Variants in RAB11FIP4 observed in about 807,000 individuals in gnomAD.
The protein encoded by RAB11FIP4 is RAB11 family interacting protein 4, also known as rab11 family-interacting protein 4.
Under a neutral mutation model 74.3 loss-of-function variants are expected in RAB11FIP4, and 23 were observed. The observed-to-expected ratio is 0.31, with a 90% confidence interval of 0.22 to 0.44. RAB11FIP4 has a LOEUF of 0.44. RAB11FIP4 is among the 20% of genes least tolerant of loss of function. The pLI is 1.00. For missense variants in RAB11FIP4, 630 were observed against 863.9 expected (o/e 0.73, Z 3.39); for synonymous variants, 360 against 359.9 (o/e 1.00, Z 0.00).
At chr17:31,523,435 C>T (rs1478978049) in intron 7 of RAB11FIP4, 77 bp from the exon 8 acceptor site, 81 of 1,176,526 alleles carry the variant, frequency 6.9e-5, no homozygotes, top group Admixed American at 5.1e-5. Flanking sequence ...ACTGGATGCT[C>T]GCCTAGCCAG....
intron 3 of RAB11FIP4, among the ~76,000 whole-genome samples, chr17:31,497,862 C>G (rs1020058447): frequency 6.6e-6 from 1 of 152,154 alleles, no homozygotes; most frequent in African/African-American, 2.4e-5. Context: ...CCCCCTCCCT[C>G]TTGAGATTCC....
Position 31,521,291 on chromosome 17 carries a change from G to T in RAB11FIP4, c.689G>T (p.Ser230Ile). 1 of 1,614,050 alleles carries T rather than the reference G, an allele frequency of 6.2e-7. No homozygotes were observed. The highest frequency in any genetic ancestry group is 8.5e-7 in the Non-Finnish European group (1 of 1,179,944). Residue 230 changes from serine (S) to isoleucine (I), a missense_variant, in exon 5 of 15, where the codon AGC becomes ATC. Transcript: ENST00000621161. ...GGTGACGATGTGGACTGTGCCCCCA[G>T]CAGCCCTTGCCCCGATGATGAGACC... ...GEGDDVDCAP[S>I]SPCPDDETRT...
rs1290204670 is a variant in RAB11FIP4 at position 31,391,959 on chromosome 17, T to C, written c.107T>C (p.Leu36Pro). 7.2e-7 allele frequency: 1 copy of C among 1,383,848 alleles called. No homozygotes were observed. Among genetic ancestry groups the C allele is most frequent in the Non-Finnish European group, 9.4e-7 (1 of 1,065,388 alleles). 85.7% of individuals were successfully genotyped at this position (1,383,848 alleles called of 1,614,324 possible). ...TGCGGCCGCGACCCCGACGGCTTCC[T>C]GCGCGTGGAGCGCGTCGCGGCGCTC... The part of the protein sequence containing the change: ...EVCGRDPDGF[L>P]RVERVAALGL... The change falls in exon 1 of 15, where the codon CTG becomes CCG. Residue 36 changes from leucine to proline, a missense_variant. Coordinates refer to ENST00000621161, the MANE Select transcript of RAB11FIP4 (RefSeq NM_032932.6).
chr17:31,413,437 C>T lies in RAB11FIP4; in HGVS notation c.160-18376C>T, dbSNP rs959452381. ...GGGAGCTGTCCTTCCATAGGCCCCC[C>T]GAGAAGAGAGTGTCTTCCCTCTTCC... is the stretch of plus-strand genomic sequence containing the variant. On this transcript the variant is annotated intron_variant, in intron 1 of 14. Transcript: ENST00000621161. Among the ~76,000 whole-genome samples the T allele has an allele frequency of 6.9e-4, 105 of 151,998 alleles. 1 individual carries two copies. The highest frequency in any genetic ancestry group is 2.0e-3 in the Admixed American group (30 of 15,280).
rs139687305 is a variant in RAB11FIP4, at chr17:31,428,291, C to T, written c.160-3522C>T. 4.0e-3 allele frequency among the ~76,000 whole-genome samples: 615 copies of T among 152,352 alleles called. 2 individuals are homozygous for T. Among genetic ancestry groups the T allele is most frequent in the African/African-American group, 0.014 (565 of 41,584 alleles). On this transcript the variant is annotated intron_variant, in intron 1 of 14. Coordinates refer to ENST00000621161, the MANE Select transcript of RAB11FIP4 (RefSeq NM_032932.6). ...CCACGCTGTGGGCATGCAAGAAAAA[C>T]GTGGTCCCTATAAATAGATGAATCC... is the stretch of plus-strand genomic sequence containing the variant.
intron 3 of RAB11FIP4, among the ~76,000 whole-genome samples, chr17:31,505,016 A>G (rs1227188450): frequency 6.6e-6 from 1 of 152,178 alleles, no homozygotes; most frequent in Non-Finnish European, 1.5e-5. Context: ...GTTAGATCCT[A>G]AGGCTTGATT....
intron 3 of RAB11FIP4, among the ~76,000 whole-genome samples, chr17:31,464,244 C>G (rs1306749307): frequency 3.3e-5 from 5 of 151,340 alleles, no homozygotes; most frequent in African/African-American, 1.2e-4. Flanking sequence ...TCAGGCTGAT[C>G]AAGCAGAAGT....
At position 31,536,799 on chromosome 17, in the gene RAB11FIP4, A is replaced by G; in HGVS notation, c.*5067A>G. 5.1e-6 allele frequency: 2 copies of G among 394,480 alleles called. No homozygotes were observed. The highest frequency in any genetic ancestry group is 8.9e-6 in the Non-Finnish European group (2 of 223,938). 24.4% of individuals were successfully genotyped at this position (394,480 alleles called of 1,614,324 possible). ...AGGACAACTCTGAGGCCCTTCTGCC[A>G]TATTCTCTGCTACCCACCAGAGAAA... On this transcript the variant is annotated 3_prime_UTR_variant, in exon 15 of 15. Coordinates refer to ENST00000621161, the MANE Select transcript of RAB11FIP4 (RefSeq NM_032932.6).
At chr17:31,522,637 T>A (rs1342206243) in intron 7 of RAB11FIP4, 1 of 545,336 alleles carries the variant, frequency 1.8e-6, no homozygotes, top group African/African-American at 1.9e-5. Flanking sequence ...CACCTTGACT[T>A]CAGGCAGGCA....
rs1287235727 is a variant in RAB11FIP4, at chr17:31,531,813, G to A, written c.*81G>A. On this transcript the variant is annotated 3_prime_UTR_variant, in exon 15 of 15. Coordinates refer to ENST00000621161, the MANE Select transcript of RAB11FIP4 (RefSeq NM_032932.6). ...GCCCAAGGATGCAGGCCTAAGCCGG[G>A]CCTCACACTCACACTGTAAATGTCT... 1.1e-5 allele frequency: 10 copies of A among 871,988 alleles called. No homozygotes were observed. Among genetic ancestry groups the A allele is most frequent in the Non-Finnish European group, 1.5e-5 (8 of 523,852 alleles). 54.0% of individuals were successfully genotyped at this position (871,988 alleles called of 1,614,324 possible).
rs79449602 is a variant in RAB11FIP4, at chr17:31,523,949, G to A, written c.1086G>A (p.Gly362=). The A allele has an allele frequency of 2.5e-6, 4 of 1,612,764 alleles. No individual in the cohort carries two copies. Among genetic ancestry groups the A allele is most frequent in the African/African-American group, 2.7e-5 (2 of 74,986 alleles). Residue 362 remains glycine, a synonymous_variant, in exon 9 of 15, where the codon GGG becomes GGA. Transcript: ENST00000621161. ...TGGAGAATGACAGCCTGACCAATGG[G>A]GACCTGAAGAGCAAGCTGAAGCAAG... The part of the protein sequence containing the change: ...TELENDSLTN[G]DLKSKLKQEN...
In RAB11FIP4 at chr17:31,511,007, TTTG is replaced by T. The variant is rs915913462; in HGVS notation, c.337-6635_337-6633del. The stretch of plus-strand genomic sequence containing the variant: ...ACTGCATTCCAAGGGTTTTTTTGTT[TTTG>T]TTGTTGTTTTTGTGTTTTTGTTTTG... On this transcript the variant is annotated intron_variant, in intron 3 of 14. Transcript: ENST00000621161. 5.1e-4 allele frequency among the ~76,000 whole-genome samples: 78 copies of T among 152,134 alleles called. 1 individual carries two copies. The highest frequency in any genetic ancestry group is 1.8e-3 in the African/African-American group (75 of 41,496).
intron 3 of RAB11FIP4, among the ~76,000 whole-genome samples, chr17:31,476,775 C>T (rs1567668831): frequency 6.6e-6 from 1 of 152,248 alleles, no homozygotes; most frequent in Non-Finnish European, 1.5e-5. Flanking sequence ...GCTGCAGCCA[C>T]AGAGCTGTTG....
intron 10 of RAB11FIP4, chr17:31,526,384 G>A (rs866734344): frequency 3.3e-5 from 5 of 152,196 alleles, no homozygotes; most frequent in East Asian, 1.9e-4. Context: ...TAAAATATCC[G>A]AGTGGTGTTC....
intron 3 of RAB11FIP4, among the ~76,000 whole-genome samples, chr17:31,511,327 G>A (rs1411189180): frequency 6.6e-6 from 1 of 152,192 alleles, no homozygotes; most frequent in Admixed American, 6.5e-5. Context: ...GTTCCCTGTG[G>A]CAGCCTGCCA....
Position 31,528,461 on chromosome 17 carries a change from A to G in RAB11FIP4, c.1412A>G (p.Glu471Gly). ...LEDTSLRLKDEMDLYKRMMDK... is the reference protein window; with the variant it reads ...LEDTSLRLKDGMDLYKRMMDK... ...GACACCAGCCTGCGGCTCAAAGATG[A>G]GATGGACCTGTACAAGCGCATGATG... The change falls in exon 12 of 15, where the codon GAG (glutamate) becomes GGG (glycine). Residue 471 changes from glutamate to glycine, a missense_variant. Glu to Gly is a moderately conservative substitution (Grantham distance 98). Transcript: ENST00000621161. 1 of 1,613,630 alleles carries G rather than the reference A, an allele frequency of 6.2e-7. No homozygotes were observed. Among genetic ancestry groups the G allele is most frequent in the Non-Finnish European group, 8.5e-7 (1 of 1,180,044 alleles).
intron 3 of RAB11FIP4, among the ~76,000 whole-genome samples, chr17:31,477,432 C>T (rs1486989077): frequency 6.6e-6 from 1 of 152,222 alleles, no homozygotes; most frequent in Non-Finnish European, 1.5e-5. Context: ...CCCTCCTTGA[C>T]CCATCAGATA....
chr17:31,523,332 TCCTCTGGGCGGGGTGA>T (rs1330824449), intron 7 of RAB11FIP4, 164 bp from the exon 8 acceptor site: 6 of 639,508 alleles, frequency 9.4e-6, no homozygotes, highest in Non-Finnish European at 1.7e-5. Context: ...CCATTTGCCA[TCCTCTGGGCGGGGTGA>T]TCCGCTGAGT....
intron 3 of RAB11FIP4, among the ~76,000 whole-genome samples, chr17:31,445,553 T>TTTTTTTTTTTTTTTTTTTTG: frequency 8.3e-5 from 1 of 12,030 alleles, no homozygotes; most frequent in African/African-American, 2.6e-4. Context: ...TATATATATA[T>TTTTTTTTTTTTTTTTTTTTG]ATATATATAT....
Sources: allele counts gnomAD v4.1 joint callset (sites outside exome capture counted in the v4.1 genomes callset), GRCh38; gene constraint gnomAD v4.1.1; transcripts MANE v1.5; gene names NCBI Gene and HGNC (gene_info 2026-07-23, HGNC 2026-07-21).